LITAF: variants seen among roughly 807,000 people sequenced by gnomAD.
The protein encoded by LITAF is lipopolysaccharide induced TNF factor, also known as lipopolysaccharide-induced tumor necrosis factor-alpha factor.
In LITAF, 9 loss-of-function variants were observed where a neutral mutation model predicts 14.5. That is an observed-to-expected ratio of 0.62 (90% CI 0.37 to 1.08). The LOEUF is 1.08. Among genes scored for constraint, LITAF ranks in the 50% least tolerant of loss-of-function variants. The pLI, the probability that LITAF is intolerant of heterozygous loss-of-function variation, is 0.01. For synonymous variants in LITAF, 98 were observed against 88.2 expected, an observed-to-expected ratio of 1.11 and a Z score of -0.62; for missense variants, 206 against 213.4, an observed-to-expected ratio of 0.97 and a Z score of 0.22.
intron 3 of LITAF, among the ~76,000 whole-genome samples, chr16:11,608,936 G>A (rs1423921736): frequency 2.0e-5 from 3 of 151,422 alleles, no homozygotes; most frequent in Admixed American, 1.3e-4. Flanking sequence ...GTGACAGAGT[G>A]AGACTCTGTC....
chr16:11,581,371 G>A (rs1223459671), intron 1 of LITAF, among the ~76,000 whole-genome samples: 3 of 152,212 alleles, frequency 2.0e-5, no homozygotes, highest in Admixed American at 6.5e-5. Flanking sequence ...TGAGTGCTTT[G>A]GGGTGAGGCT....
In LITAF at chr16:11,548,848, T is replaced by C. The variant is rs1338141364; in HGVS notation, c.*789A>G. 2 of 453,576 alleles carry C rather than the reference T, an allele frequency of 4.4e-6. No homozygotes were observed. The allele number at this position is 453,576 out of a possible 1,614,324, so 28.1% of individuals were successfully genotyped here. On this transcript the variant is annotated 3_prime_UTR_variant, in exon 4 of 4. Transcript: ENST00000622633. ...AAAAAAGAAATTCTGTTCAAAAGTA[T>C]TTCAGACCAAAAGGAGGTCATAAAA... is the stretch of plus-strand genomic sequence containing the variant.
intron 3 of LITAF, among the ~76,000 whole-genome samples, chr16:11,610,401 C>T (rs1214954988): frequency 7.4e-6 from 1 of 135,674 alleles, no homozygotes; most frequent in Non-Finnish European, 1.7e-5. Flanking sequence ...ACGTGGCGGT[C>T]GGGCAGGCAG....
At chr16:11,556,281 A>G (rs745629994) in intron 2 of LITAF, 1 of 559,202 alleles carries the variant, frequency 1.8e-6, no homozygotes, top group Non-Finnish European at 3.2e-6. Flanking sequence ...AAAGATTCGT[A>G]TATGATGACC....
chr16:11,552,695 A>T (rs1206997946), intron 3 of LITAF, among the ~76,000 whole-genome samples: 1 of 152,132 alleles, frequency 6.6e-6, no homozygotes, highest in Non-Finnish European at 1.5e-5. Context: ...AGCAGGGATG[A>T]CTTGGCCTCC....
chr16:11,576,534 C>CAAAAAAAAA (rs66551972), intron 1 of LITAF, among the ~76,000 whole-genome samples: 13 of 62,930 alleles, frequency 2.1e-4, no homozygotes, highest in Non-Finnish European at 3.5e-4. Flanking sequence ...TTACAATCTG[C>CAAAAAAAAA]AAAAAAAAAA....
At chr16:11,624,356 G>A (rs553653545) in intron 3 of LITAF, among the ~76,000 whole-genome samples, 4 of 152,268 alleles carry the variant, frequency 2.6e-5, no homozygotes, top group Admixed American at 1.3e-4. Context: ...TGTGGGTCAC[G>A]TGCCCATCCT....
intron 3 of LITAF, among the ~76,000 whole-genome samples, chr16:11,622,752 C>T (rs2065058786): frequency 6.6e-6 from 1 of 151,988 alleles, no homozygotes; most frequent in South Asian, 2.1e-4. Flanking sequence ...TGTTCTGAAC[C>T]ACCTAAACCC....
Position 11,549,866 on chromosome 16 carries a change from T to A in LITAF, c.378-121A>T, listed in dbSNP as rs2064158596. The A allele has an allele frequency of 2.5e-6, 2 of 795,708 alleles. No individual in the cohort carries two copies. Among genetic ancestry groups the A allele is most frequent in the Non-Finnish European group, 4.3e-6 (2 of 468,162 alleles). The allele number at this position is 795,708 out of a possible 1,614,324, so 49.3% of individuals were successfully genotyped here. On this transcript the variant is annotated intron_variant, in intron 3 of 3. Transcript: ENST00000622633. The surrounding 1 kb of genome is among the most constrained non-coding windows in gnomAD (Gnocchi z 4.6). ...GGTCTTTGCCAGTATAATTAGGAAT[T>A]TTGAGATGGGATCATCTTGGATTAT...
chr16:11,599,337 C>G (rs771714264), upstream of LITAF, among the ~76,000 whole-genome samples: 1 of 152,080 alleles, frequency 6.6e-6, no homozygotes, highest in Non-Finnish European at 1.5e-5. Flanking sequence ...AAGCTGGTCT[C>G]GAACTCCTGA....
intron 1 of LITAF, among the ~76,000 whole-genome samples, chr16:11,596,002 C>G (rs7199684): frequency 0.58 from 87,738 of 151,944 alleles, 25,940 homozygotes; most frequent in African/African-American, 0.7. Flanking sequence ...CAGGATATCC[C>G]AGTGAGCAGG....
chr16:11,628,613 C>A (rs1165826016), intron 3 of LITAF, among the ~76,000 whole-genome samples: 1 of 152,196 alleles, frequency 6.6e-6, no homozygotes, highest in Admixed American at 6.5e-5. Context: ...AAGGGATCTT[C>A]CCGCCTTAGC....
In LITAF at chr16:11,632,077, C is replaced by G. The variant is rs1349315558; in HGVS notation, c.85+1456G>C. 6.6e-6 allele frequency among the ~76,000 whole-genome samples: 1 copy of G among 151,576 alleles called. No homozygotes were observed. Among genetic ancestry groups the G allele is most frequent in the Non-Finnish European group, 1.5e-5 (1 of 67,888 alleles). ...AGAGACGGGGTTTCACCGTGTTAACCAGGATGGTCTTGATCTCCTGACCTC... is the reference window on the plus strand; with the variant it reads ...AGAGACGGGGTTTCACCGTGTTAACGAGGATGGTCTTGATCTCCTGACCTC... On this transcript the variant is annotated intron_variant, in intron 3 of 3. Coordinates refer to the LITAF transcript ENST00000574848. This position sits in a 1 kb window ranked among gnomAD's most constrained non-coding sequence, Gnocchi z 4.8.
chr16:11,556,013 T>C (rs1257872013), intron 2 of LITAF, among the ~76,000 whole-genome samples: 1 of 152,154 alleles, frequency 6.6e-6, no homozygotes, highest in East Asian at 1.9e-4. Context: ...CAGGGCACCC[T>C]TGGGCGGAAG....
rs184538504 is a variant in LITAF, at chr16:11,564,498, G to A, written c.-5-7763C>T. On this transcript the variant is annotated intron_variant, in intron 1 of 3. Coordinates refer to ENST00000622633, the MANE Select transcript of LITAF (RefSeq NM_001136472.2). ...CCTACTCCTTGCGCGCCCAAAACGG[G>A]TTCATTCAACGTTTGCACAATCAAA... 1.9e-3 allele frequency among the ~76,000 whole-genome samples: 289 copies of A among 152,068 alleles called. 2 individuals carry two copies. Among genetic ancestry groups the A allele is most frequent in the African/African-American group, 6.1e-3 (255 of 41,476 alleles).
chr16:11,567,433 A>C (rs1333873424), intron 1 of LITAF, among the ~76,000 whole-genome samples: 3 of 150,338 alleles, frequency 2.0e-5, no homozygotes, highest in South Asian at 2.1e-4. Context: ...AAAAAAAAAA[A>C]CACAAAACAA....
At chr16:11,580,210 T>A (rs2141827314) in intron 1 of LITAF, among the ~76,000 whole-genome samples, 1 of 152,088 alleles carries the variant, frequency 6.6e-6, no homozygotes, top group Middle Eastern at 3.4e-3. Context: ...AAGAGATACT[T>A]GATCTGTGTA....
At chr16:11,573,914 C>A (rs2064587471) in intron 1 of LITAF, among the ~76,000 whole-genome samples, 1 of 151,768 alleles carries the variant, frequency 6.6e-6, no homozygotes, top group Non-Finnish European at 1.5e-5. Context: ...GTTGGCCAGG[C>A]TGGTCTCAAA....
intron 1 of LITAF, among the ~76,000 whole-genome samples, chr16:11,557,599 GC>G (rs1208914794): frequency 1.3e-5 from 2 of 151,930 alleles, no homozygotes; most frequent in South Asian, 2.1e-4. Flanking sequence ...ACAGGCATGT[GC>G]CCCCCCGCCC....
Sources: gnomAD v4.1 joint callset for allele counts (sites outside exome capture counted in the v4.1 genomes callset) on GRCh38, gnomAD v4.1.1 for gene constraint, Gnocchi (gnomAD v3.1) non-coding constraint, MANE v1.5 for transcripts, NCBI Gene and HGNC (gene_info 2026-07-23, HGNC 2026-07-21) for gene names.